Variants in RCSD1 observed in about 807,000 individuals in gnomAD.
The protein encoded by RCSD1 is capZ-interacting protein.
Under a neutral mutation model 42.5 loss-of-function variants are expected in RCSD1, and 26 were observed. The ratio of observed to expected loss-of-function variants is 0.61; its 90% CI spans 0.45 to 0.85. RCSD1 has a LOEUF of 0.85. Among genes scored for constraint, RCSD1 ranks in the 40% least tolerant of loss-of-function variants. The pLI is 0.00. For missense variants in RCSD1, 571 were observed against 528.3 expected (o/e 1.08, Z -0.79); for synonymous variants, 220 against 212.2 (o/e 1.04, Z -0.32).
intron 6 of RCSD1, among the ~76,000 whole-genome samples, chr1:167,699,552 C>T (rs1476685809): frequency 6.6e-6 from 1 of 152,118 alleles, no homozygotes; most frequent in African/African-American, 2.4e-5. Flanking sequence ...TCATAGTCCC[C>T]CTCCTCCCCC....
At chr1:167,670,044 G>A (rs1463689781) in intron 1 of RCSD1, among the ~76,000 whole-genome samples, 3 of 152,136 alleles carry the variant, frequency 2.0e-5, no homozygotes, top group Admixed American at 6.5e-5. Context: ...GGCAGGAATG[G>A]CCCCTAGTGA....
intron 1 of RCSD1, among the ~76,000 whole-genome samples, chr1:167,673,791 A>G (rs1000858907): frequency 2.6e-5 from 4 of 152,172 alleles, no homozygotes; most frequent in Admixed American, 6.5e-5. Context: ...CTTTGCGTGT[A>G]CCAGCCAGCC....
In RCSD1 at chr1:167,706,452, T is replaced by G. The variant is rs949651951; in HGVS notation, c.*1756T>G. 2.6e-5 allele frequency among the ~76,000 whole-genome samples: 4 copies of G among 151,550 alleles called. No individual in the cohort carries two copies. The highest frequency in any genetic ancestry group is 7.3e-5 in the African/African-American group (3 of 40,820). ...AGTACTTTGTGAATATGTGCATGAT[T>G]GTGAATGTGTGATGAAAAGGGCCAC... On this transcript the variant is annotated 3_prime_UTR_variant, in exon 7 of 7. Coordinates refer to ENST00000367854, the MANE Select transcript of RCSD1 (RefSeq NM_052862.4).
chr1:167,698,624 G>T (rs1659557494), intron 6 of RCSD1, among the ~76,000 whole-genome samples: 1 of 152,104 alleles, frequency 6.6e-6, no homozygotes, highest in South Asian at 2.1e-4. Context: ...TATGCTTTAA[G>T]AGCAGAACCA....
intron 3 of RCSD1, among the ~76,000 whole-genome samples, chr1:167,689,671 A>G (rs1659327535): frequency 6.6e-6 from 1 of 151,976 alleles, no homozygotes; most frequent in African/African-American, 2.4e-5. Flanking sequence ...CAGGATGGTA[A>G]TTTTTGCCCT....
chr1:167,657,029 A>G (rs547293672), intron 1 of RCSD1, among the ~76,000 whole-genome samples: 1 of 152,338 alleles, frequency 6.6e-6, no homozygotes, highest in African/African-American at 2.4e-5. Context: ...CCTGGTTGGG[A>G]AAGCCACTTT....
intron 6 of RCSD1, among the ~76,000 whole-genome samples, chr1:167,700,172 C>G (rs1007054454): frequency 2.0e-5 from 3 of 152,162 alleles, no homozygotes; most frequent in Admixed American, 6.5e-5. Context: ...GAAATAATCT[C>G]TAATGATAGA....
At chr1:167,655,580 A>G (rs1049749932) in intron 1 of RCSD1, among the ~76,000 whole-genome samples, 6 of 152,188 alleles carry the variant, frequency 3.9e-5, no homozygotes, top group African/African-American at 1.4e-4. Flanking sequence ...GGAACACACC[A>G]CTGCTGCATA....
chr1:167,678,444 C>A (rs924889573), intron 1 of RCSD1, among the ~76,000 whole-genome samples: 1 of 151,832 alleles, frequency 6.6e-6, no homozygotes, highest in Non-Finnish European at 1.5e-5. Flanking sequence ...CCATGCATCC[C>A]GTTATCCAAG....
At chr1:167,664,392 C>A (rs1192489021) in intron 1 of RCSD1, 1 of 152,286 alleles carries the variant, frequency 6.6e-6, no homozygotes, top group Non-Finnish European at 1.5e-5. Context: ...AAGCCAGGTT[C>A]CTAGCCCTAG....
intron 1 of RCSD1, among the ~76,000 whole-genome samples, chr1:167,659,107 A>C (rs769743671): frequency 2.0e-5 from 3 of 152,168 alleles, no homozygotes; most frequent in Non-Finnish European, 2.9e-5. Context: ...TCATCTGATA[A>C]GCATAAAAAG....
rs73035744 is a variant in RCSD1, at chr1:167,704,616, G to T, written c.1219-48G>T. 11,157 of 1,543,586 alleles carry T rather than the reference G, an allele frequency of 7.2e-3. 667 individuals carry two copies. In the African/African-American group the frequency reaches 0.13, roughly 18 times the overall value. On this transcript the variant is annotated intron_variant, in intron 6 of 6. Coordinates refer to ENST00000367854, the MANE Select transcript of RCSD1 (RefSeq NM_052862.4). The stretch of plus-strand genomic sequence containing the variant: ...CCCAAGGAGGGATGCTGAGTGTCAG[G>T]ATTTCCTCACCATTTTCCTAATTAA...
intron 1 of RCSD1, among the ~76,000 whole-genome samples, chr1:167,676,955 C>G (rs911530070): frequency 3.3e-5 from 5 of 152,192 alleles, no homozygotes; most frequent in African/African-American, 1.2e-4. Flanking sequence ...CGTGTGGGTC[C>G]TTTGTGTGAG....
chr1:167,650,766 T>C (rs1056865416), intron 1 of RCSD1, among the ~76,000 whole-genome samples: 5 of 151,162 alleles, frequency 3.3e-5, no homozygotes, highest in Non-Finnish European at 7.4e-5. Context: ...AGCAATGGAG[T>C]AGGGAGAGGG....
intron 1 of RCSD1, among the ~76,000 whole-genome samples, chr1:167,660,472 T>TGTG (rs199906341): frequency 4.1e-5 from 6 of 145,060 alleles, no homozygotes; most frequent in African/African-American, 1.7e-4. Flanking sequence ...AATTCACTGT[T>TGTG]TTGTTTTTTT....
chr1:167,640,191 T>C (rs746758003), intron 1 of RCSD1, among the ~76,000 whole-genome samples: 21 of 152,134 alleles, frequency 1.4e-4, no homozygotes, highest in Non-Finnish European at 2.6e-4. Context: ...ACAAACTGGG[T>C]GGCTCAAAAC....
intron 1 of RCSD1, among the ~76,000 whole-genome samples, chr1:167,652,018 C>CTT (rs66622527): frequency 0.023 from 2,484 of 108,044 alleles, 118 homozygotes; most frequent in African/African-American, 0.086. Context: ...CTCTGTTCAT[C>CTT]TTTTTTTTTT....
chr1:167,670,423 G>A (rs1041474954), intron 1 of RCSD1, among the ~76,000 whole-genome samples: 11 of 150,824 alleles, frequency 7.3e-5, no homozygotes, highest in African/African-American at 2.4e-4. Flanking sequence ...GAGTTTGATC[G>A]GCAGCTCTGC....
chr1:167,670,160 C>G lies in RCSD1; in HGVS notation c.7-13740C>G, dbSNP rs141976206. 8.1e-3 allele frequency among the ~76,000 whole-genome samples: 1,239 copies of G among 152,268 alleles called. 9 individuals carry two copies. Among genetic ancestry groups the G allele is most frequent in the African/African-American group, 0.028 (1,178 of 41,554 alleles). ...CAACCACCCTTCAGACTCAGAGGAG[C>G]TCTCTGTGAAGTCAATTTTATTATT... is the stretch of plus-strand genomic sequence containing the variant. On this transcript the variant is annotated intron_variant, in intron 1 of 6. Coordinates refer to ENST00000367854, the MANE Select transcript of RCSD1 (RefSeq NM_052862.4).
Sources: allele counts gnomAD v4.1 joint callset (sites outside exome capture counted in the v4.1 genomes callset), GRCh38; gene constraint gnomAD v4.1.1; transcripts MANE v1.5; gene names NCBI Gene and HGNC (gene_info 2026-07-23, HGNC 2026-07-21).